ZNF804B: variants seen among roughly 807,000 people sequenced by gnomAD.
ZNF804B encodes zinc finger protein 804B, also known as zinc finger 804B.
In ZNF804B, 80 loss-of-function variants were observed where a neutral mutation model predicts 101.4. That is an observed-to-expected ratio of 0.79 (90% CI 0.66 to 0.95). The LOEUF is 0.95. Ranked by LOEUF, ZNF804B falls within the 40% of genes least tolerant of loss-of-function variation. ZNF804B has a pLI of 0.00. For missense variants in ZNF804B, 1,673 were observed against 1,561.9 expected, an observed-to-expected ratio of 1.07 and a Z score of -1.20; for synonymous variants, 622 against 558.8, an observed-to-expected ratio of 1.11 and a Z score of -1.59.
chr7:89,098,173 G>C (rs13247536), intron 1 of ZNF804B, among the ~76,000 whole-genome samples: 15 of 152,156 alleles, frequency 9.9e-5, no homozygotes, highest in African/African-American at 3.6e-4. Flanking sequence ...TAGAAAAAGA[G>C]CCTGGATTCA....
chr7:89,238,714 C>T (rs995204387), intron 2 of ZNF804B, among the ~76,000 whole-genome samples: 2 of 141,848 alleles, frequency 1.4e-5, no homozygotes, highest in African/African-American at 5.0e-5. Context: ...GTAGTTAATA[C>T]AATGTCTGCC....
intron 1 of ZNF804B, among the ~76,000 whole-genome samples, chr7:89,002,517 A>C (rs1788304963): frequency 6.6e-6 from 1 of 151,926 alleles, no homozygotes. Flanking sequence ...TTAAATAGAT[A>C]GCAATTTTCA....
intron 1 of ZNF804B, among the ~76,000 whole-genome samples, chr7:89,054,803 C>A (rs1443113377): frequency 6.6e-6 from 1 of 151,966 alleles, no homozygotes; most frequent in Non-Finnish European, 1.5e-5. Context: ...CATAGACCAA[C>A]CCTGCTGGAC....
chr7:88,849,853 A>T (rs1791427231), intron 1 of ZNF804B, among the ~76,000 whole-genome samples: 1 of 151,996 alleles, frequency 6.6e-6, no homozygotes, highest in South Asian at 2.1e-4. Context: ...TGCCTTATTT[A>T]AAAATAAGGC....
At chr7:89,264,634 A>G (rs1270382576) in intron 2 of ZNF804B, among the ~76,000 whole-genome samples, 1 of 152,210 alleles carries the variant, frequency 6.6e-6, no homozygotes, top group Non-Finnish European at 1.5e-5. Flanking sequence ...TATCAGGAGT[A>G]TAATCCAAGG....
chr7:88,878,624 C>T (rs1271227417), intron 1 of ZNF804B, among the ~76,000 whole-genome samples: 1 of 152,014 alleles, frequency 6.6e-6, no homozygotes, highest in African/African-American at 2.4e-5. Flanking sequence ...CTATACTATG[C>T]TATTTTTGAC....
intron 1 of ZNF804B, among the ~76,000 whole-genome samples, chr7:89,091,433 TTGAG>T (rs1789884790): frequency 6.6e-6 from 1 of 152,068 alleles, no homozygotes; most frequent in African/African-American, 2.4e-5. Flanking sequence ...ATTTCTTGGG[TTGAG>T]TATTTTCAGA....
intron 1 of ZNF804B, among the ~76,000 whole-genome samples, chr7:89,002,448 T>C (rs1271514839): frequency 6.6e-6 from 1 of 151,916 alleles, no homozygotes; most frequent in Non-Finnish European, 1.5e-5. Context: ...TATGTTTAGG[T>C]CCTGTTTTAA....
rs549368602 is a variant in ZNF804B at position 89,337,390 on chromosome 7, C to T, written c.*358C>T. Reference sequence around the variant, plus strand: ...AAATCAAATGAAATATGGCACCCTGCGTTCTAAGTATTTGTTGTGTGAATG... The same window carrying T: ...AAATCAAATGAAATATGGCACCCTGTGTTCTAAGTATTTGTTGTGTGAATG... On this transcript the variant is annotated 3_prime_UTR_variant, in exon 4 of 4. Coordinates refer to ENST00000333190, the MANE Select transcript of ZNF804B (RefSeq NM_181646.5). 9.2e-5 allele frequency among the ~76,000 whole-genome samples: 14 copies of T among 152,126 alleles called. No homozygotes were observed. Among genetic ancestry groups the T allele is most frequent in the East Asian group, 3.9e-4 (2 of 5,170 alleles).
chr7:89,327,118 T>G (rs1207818480), intron 2 of ZNF804B, among the ~76,000 whole-genome samples: 1 of 151,928 alleles, frequency 6.6e-6, no homozygotes, highest in East Asian at 1.9e-4. Context: ...GGGGCCCAGC[T>G]TTGCAGTGAC....
intron 1 of ZNF804B, among the ~76,000 whole-genome samples, chr7:89,175,635 A>C: frequency 6.6e-6 from 1 of 152,016 alleles, no homozygotes; most frequent in East Asian, 1.9e-4. Flanking sequence ...GCAGGGATGC[A>C]TTCAATGTGT....
At position 88,782,576 on chromosome 7, in the gene ZNF804B, TTAAC is replaced by T. The variant is rs528522008; in HGVS notation, c.108+22495_108+22498del. 1.2e-4 allele frequency among the ~76,000 whole-genome samples: 19 copies of T among 152,288 alleles called. No homozygotes were observed. In the East Asian group the frequency reaches 3.7e-3, roughly 29 times the overall value. ...TACACAGGCATTTTATTTCCATTAA[TTAAC>T]TAGGAGTCTCCTTCATCAAAGAGAT... On this transcript the variant is annotated intron_variant, in intron 1 of 3. Transcript: ENST00000333190.
At chr7:88,975,006 C>T (rs573402587) in intron 1 of ZNF804B, among the ~76,000 whole-genome samples, 1 of 151,480 alleles carries the variant, frequency 6.6e-6, no homozygotes, top group South Asian at 2.1e-4. Flanking sequence ...TTTTAGCTCC[C>T]CAAAATAAGT....
At chr7:89,326,460 C>T (rs1189064427) in intron 2 of ZNF804B, among the ~76,000 whole-genome samples, 1 of 152,054 alleles carries the variant, frequency 6.6e-6, no homozygotes, top group Non-Finnish European at 1.5e-5. Flanking sequence ...GGAAACATCT[C>T]TTATACTTGA....
intron 1 of ZNF804B, among the ~76,000 whole-genome samples, chr7:88,875,682 A>G (rs1246760125): frequency 6.6e-6 from 1 of 152,050 alleles, no homozygotes; most frequent in East Asian, 1.9e-4. Context: ...CTTACCAACC[A>G]AAAAGAGTCC....
intron 1 of ZNF804B, among the ~76,000 whole-genome samples, chr7:89,001,710 A>G (rs1338804444): frequency 6.6e-6 from 1 of 151,960 alleles, no homozygotes; most frequent in African/African-American, 2.4e-5. Flanking sequence ...AGGGCTAAAT[A>G]GTTACTTTCA....
intron 2 of ZNF804B, among the ~76,000 whole-genome samples, chr7:89,279,857 C>T (rs559562456): frequency 3.9e-5 from 6 of 151,928 alleles, no homozygotes; most frequent in South Asian, 2.1e-4. Context: ...CAGGGTGATG[C>T]GGGCCTCATA....
At chr7:89,004,406 T>C (rs1292269962) in intron 1 of ZNF804B, among the ~76,000 whole-genome samples, 7 of 151,906 alleles carry the variant, frequency 4.6e-5, no homozygotes, top group African/African-American at 1.7e-4. Context: ...TATAGAACAG[T>C]TGAATTACTT....
chr7:88,892,939 A>T (rs976926316), intron 1 of ZNF804B, among the ~76,000 whole-genome samples: 1 of 152,138 alleles, frequency 6.6e-6, no homozygotes, highest in Non-Finnish European at 1.5e-5. Flanking sequence ...TCTTAGAGGA[A>T]ACTTTTTGAT....
Sources: gnomAD v4.1 joint callset for allele counts (sites outside exome capture counted in the v4.1 genomes callset) on GRCh38, gnomAD v4.1.1 for gene constraint, MANE v1.5 for transcripts, NCBI Gene and HGNC (gene_info 2026-07-23, HGNC 2026-07-21) for gene names.